Variants in PLSCR1 observed in about 807,000 individuals in gnomAD.
PLSCR1 encodes the protein PL scramblase 1.
PLSCR1 carries 17 observed loss-of-function variants against 37.8 expected under a neutral mutation model. The ratio of observed to expected loss-of-function variants is 0.45; its 90% CI spans 0.31 to 0.68. The LOEUF (loss-of-function observed/expected upper bound fraction) is 0.68. Among genes scored for constraint, PLSCR1 ranks in the 30% least tolerant of loss-of-function variants. The pLI is 0.06. For missense variants in PLSCR1, 347 were observed against 380.9 expected (o/e 0.91, Z 0.74); for synonymous variants, 116 against 125.9 (o/e 0.92, Z 0.53).
chr3:146,521,267 A>C (rs1343861656), intron 7 of PLSCR1, among the ~76,000 whole-genome samples: 1 of 152,202 alleles, frequency 6.6e-6, no homozygotes, highest in Non-Finnish European at 1.5e-5. Flanking sequence ...ATACAGTGTC[A>C]TCACATAGAA....
intron 1 of PLSCR1, 148 bp from the exon 2 acceptor site, chr3:146,536,713 G>T: frequency 3.6e-6 from 2 of 559,972 alleles, no homozygotes; most frequent in South Asian, 2.5e-5. Flanking sequence ...GGTCATTTAA[G>T]CCCTTTGTGC....
At chr3:146,535,926 A>C (rs2044259834) in intron 2 of PLSCR1, among the ~76,000 whole-genome samples, 5 of 152,190 alleles carry the variant, frequency 3.3e-5, no homozygotes, top group Admixed American at 3.3e-4. Context: ...TCAGAAAAAC[A>C]GGATTTAATT....
chr3:146,529,726 G>C (rs1480508076), intron 3 of PLSCR1, among the ~76,000 whole-genome samples: 1 of 152,036 alleles, frequency 6.6e-6, no homozygotes, highest in East Asian at 1.9e-4. Flanking sequence ...TGTTAGCCAG[G>C]ATGGTCTCGA....
intron 5 of PLSCR1, among the ~76,000 whole-genome samples, chr3:146,522,711 G>A (rs1373854257): frequency 6.6e-6 from 1 of 152,156 alleles, no homozygotes; most frequent in Non-Finnish European, 1.5e-5. Flanking sequence ...ATTAGTAAAA[G>A]AGGAAGGAAC....
chr3:146,518,489 C>T (rs937258997), intron 7 of PLSCR1, among the ~76,000 whole-genome samples: 6 of 152,150 alleles, frequency 3.9e-5, no homozygotes, highest in African/African-American at 1.4e-4. Flanking sequence ...TAAACTAATA[C>T]AAATCCTTTC....
chr3:146,517,546 C>T (rs533098930), intron 7 of PLSCR1, among the ~76,000 whole-genome samples: 21 of 152,162 alleles, frequency 1.4e-4, no homozygotes, highest in Non-Finnish European at 2.8e-4. Context: ...TAGACTTCTG[C>T]TTTAGGAGAA....
intron 5 of PLSCR1, among the ~76,000 whole-genome samples, chr3:146,524,406 T>C (rs573530707): frequency 1.3e-5 from 2 of 151,916 alleles, no homozygotes; most frequent in East Asian, 3.9e-4. Context: ...AAAAATAACA[T>C]AGACTTTCAA....
chr3:146,528,694 C>T lies in PLSCR1; in HGVS notation c.232G>A (p.Val78Ile), dbSNP rs1197154199. Residue 78 changes from valine (V) to isoleucine (I), a missense_variant, in exon 4 of 9, where the codon GTT becomes ATT. Physicochemically the swap from Val to Ile is conservative, Grantham distance 29. Transcript: ENST00000342435. Reference protein sequence around the residue: ...VYNQPVYNQPVGAAGVPWMPA... With the variant: ...VYNQPVYNQPIGAAGVPWMPA... ...ATCCATGGTACCCCTGCAGCTCCAA[C>T]TGGCTGATTATATACTGGCTGATTA... The T allele has an allele frequency of 5.0e-6, 8 of 1,606,012 alleles. No homozygotes were observed. The highest frequency in any genetic ancestry group is 1.7e-5 in the Admixed American group (1 of 59,894).
At chr3:146,534,145 C>T (rs532010473) in intron 2 of PLSCR1, among the ~76,000 whole-genome samples, 2 of 152,232 alleles carry the variant, frequency 1.3e-5, no homozygotes, top group South Asian at 2.1e-4. Flanking sequence ...TTGTTATTTG[C>T]TAATAAGGCT....
At chr3:146,529,471 A>G (rs2044165820) in intron 3 of PLSCR1, among the ~76,000 whole-genome samples, 1 of 151,896 alleles carries the variant, frequency 6.6e-6, no homozygotes, top group Admixed American at 6.6e-5. Flanking sequence ...CCAAAATATT[A>G]TAGTGCCACT....
Position 146,517,029 on chromosome 3 carries a change from T to C in PLSCR1, c.877A>G (p.Met293Val). Residue 293 changes from methionine to valine, a missense_variant, in exon 8 of 9, where the codon ATG (methionine) becomes GTG (valine). Met to Val is a conservative substitution (Grantham distance 21, BLOSUM62 1). Transcript: ENST00000342435. Reference sequence around the variant, plus strand: ...ACAATGAGGAAACAGGCACCAATCATTACAGCTTTCATTTTAACATCAAGG... The same window carrying C: ...ACAATGAGGAAACAGGCACCAATCACTACAGCTTTCATTTTAACATCAAGG... Reference protein sequence around the residue: ...LDLDVKMKAVMIGACFLIDFM... With the variant: ...LDLDVKMKAVVIGACFLIDFM... The C allele has an allele frequency of 6.3e-7, 1 of 1,598,042 alleles. No individual in the cohort carries two copies. Among genetic ancestry groups the C allele is most frequent in the Non-Finnish European group, 8.5e-7 (1 of 1,172,862 alleles).
intron 3 of PLSCR1, among the ~76,000 whole-genome samples, chr3:146,529,271 A>C (rs975247680): frequency 4.6e-5 from 7 of 152,168 alleles, no homozygotes; most frequent in African/African-American, 1.7e-4. Flanking sequence ...CAAATGCCTT[A>C]TAATATATGT....
chr3:146,515,372 A>G lies in PLSCR1; in HGVS notation c.*673T>C, dbSNP rs1477896872. The G allele has an allele frequency of 2.6e-5, 4 of 152,162 alleles. No individual in the cohort carries two copies. The highest frequency in any genetic ancestry group is 7.2e-5 in the African/African-American group (3 of 41,450). The allele number at this position is 152,162 out of a possible 1,614,324, so 9.4% of individuals were successfully genotyped here. On this transcript the variant is annotated 3_prime_UTR_variant, in exon 9 of 9. Coordinates refer to ENST00000342435, the MANE Select transcript of PLSCR1 (RefSeq NM_021105.3). Reference sequence around the variant, plus strand: ...AATATTAACTTTCAAAAGTTATAATACCAGAGTTTTAGAGTGAAGGAGTAT... The same window carrying G: ...AATATTAACTTTCAAAAGTTATAATGCCAGAGTTTTAGAGTGAAGGAGTAT...
intron 1 of PLSCR1, among the ~76,000 whole-genome samples, chr3:146,538,684 A>G (rs1485553320): frequency 6.6e-6 from 1 of 152,184 alleles, no homozygotes; most frequent in East Asian, 1.9e-4. Context: ...ATAAAATGTA[A>G]GAGAAGAAAC....
In PLSCR1 at chr3:146,533,462, T is replaced by C. The variant is rs774682424; in HGVS notation, c.94+8A>G. 1 of 1,547,436 alleles carries C rather than the reference T, an allele frequency of 6.5e-7. No homozygotes were observed. The highest frequency in any genetic ancestry group is 8.9e-7 in the Non-Finnish European group (1 of 1,126,676). ...TTTTACTTTTTCTTCTTTCAGCAAC[T>C]GCTTTACCTTGGAATGCTGTCGGTG... On this transcript the variant is annotated splice_region_variant and intron_variant, in intron 3 of 8. Coordinates refer to ENST00000342435, the MANE Select transcript of PLSCR1 (RefSeq NM_021105.3).
intron 7 of PLSCR1, among the ~76,000 whole-genome samples, chr3:146,521,296 G>A (rs941600663): frequency 1.3e-5 from 2 of 152,122 alleles, no homozygotes; most frequent in Non-Finnish European, 2.9e-5. Context: ...GTTTAAGTGA[G>A]GGATGATTTG....
intron 6 of PLSCR1, 38 bp from the exon 7 acceptor site, chr3:146,521,743 A>C: frequency 6.3e-7 from 1 of 1,588,448 alleles, no homozygotes; most frequent in Non-Finnish European, 8.6e-7. Flanking sequence ...TGTAATAATC[A>C]TAATGCCTAG....
intron 3 of PLSCR1, among the ~76,000 whole-genome samples, chr3:146,530,375 T>A (rs1021159903): frequency 6.6e-6 from 1 of 152,144 alleles, no homozygotes; most frequent in African/African-American, 2.4e-5. Flanking sequence ...TATTTACAAA[T>A]GATCATAATG....
intron 1 of PLSCR1, among the ~76,000 whole-genome samples, chr3:146,540,147 T>C (rs897009414): frequency 1.8e-4 from 27 of 152,236 alleles, no homozygotes; most frequent in African/African-American, 6.3e-4. Context: ...AAATCATCTT[T>C]ATGCTGTACC....
Sources: allele counts gnomAD v4.1 joint callset (sites outside exome capture counted in the v4.1 genomes callset), GRCh38; gene constraint gnomAD v4.1.1; transcripts MANE v1.5; gene names NCBI Gene and HGNC (gene_info 2026-07-23, HGNC 2026-07-21).